Variants in RFX6 observed in about 807,000 individuals in gnomAD.
RFX6 encodes DNA-binding protein RFX6.
Under a neutral mutation model 110.8 loss-of-function variants are expected in RFX6, and 50 were observed. That is an observed-to-expected ratio of 0.45 (90% CI 0.36 to 0.57). The LOEUF (loss-of-function observed/expected upper bound fraction) is 0.57. RFX6 is among the 20% of genes least tolerant of loss of function. RFX6 has a pLI of 0.00. For missense variants in RFX6, 990 were observed against 1,127.0 expected, an observed-to-expected ratio of 0.88 and a Z score of 1.74; for synonymous variants, 383 against 411.2, an observed-to-expected ratio of 0.93 and a Z score of 0.83.
chr6:116,897,990 C>CA (rs1033530412), intron 6 of RFX6, among the ~76,000 whole-genome samples: 6 of 150,780 alleles, frequency 4.0e-5, no homozygotes, highest in South Asian at 2.1e-4. Flanking sequence ...AAGAGGTTAC[C>CA]AAAAAAAAGT....
At chr6:116,914,087 C>A (rs568027223) in intron 7 of RFX6, among the ~76,000 whole-genome samples, 9 of 152,206 alleles carry the variant, frequency 5.9e-5, no homozygotes, top group African/African-American at 2.2e-4. Context: ...TTCCTCTCCC[C>A]CTCCTCTTTC....
At chr6:116,923,047 G>A (rs200355595) in intron 13 of RFX6, 60 bp from the exon 14 acceptor site, 133 of 834,764 alleles carry the variant, frequency 1.6e-4, no homozygotes, top group Middle Eastern at 1.0e-3. Context: ...ATCTAACACA[G>A]GATGCATGTA....
intron 6 of RFX6, among the ~76,000 whole-genome samples, chr6:116,899,853 T>C (rs1482850411): frequency 6.6e-6 from 1 of 152,106 alleles, no homozygotes; most frequent in African/African-American, 2.4e-5. Context: ...ATCAAAAGCA[T>C]CATATGCAAA....
At chr6:116,907,319 C>A (rs1775227354) in intron 6 of RFX6, among the ~76,000 whole-genome samples, 1 of 152,016 alleles carries the variant, frequency 6.6e-6, no homozygotes. Flanking sequence ...CTGCAGTTTT[C>A]TTGCCTTGCA....
chr6:116,877,792 T>C lies in RFX6; in HGVS notation c.224-4T>C, dbSNP rs1409962590. ...TCTTTATCATCCCTTCAACTGGCAA[T>C]CAGAAATGCACTTAAACAATGGTAA... On this transcript the variant is annotated splice_region_variant and splice_polypyrimidine_tract_variant and intron_variant, in intron 1 of 18. Transcript: ENST00000332958. The C allele has an allele frequency of 5.6e-6, 9 of 1,603,310 alleles. No individual in the cohort carries two copies. Among genetic ancestry groups the C allele is most frequent in the Non-Finnish European group, 6.8e-6 (8 of 1,173,426 alleles).
intron 6 of RFX6, among the ~76,000 whole-genome samples, chr6:116,909,021 A>T (rs1018843385): frequency 3.3e-5 from 5 of 152,126 alleles, no homozygotes; most frequent in Non-Finnish European, 2.9e-5. Flanking sequence ...GTCAGAAAAA[A>T]ATCTAGTAAG....
chr6:116,879,781 A>G (rs1774547663), intron 2 of RFX6, among the ~76,000 whole-genome samples: 1 of 152,004 alleles, frequency 6.6e-6, no homozygotes, highest in Non-Finnish European at 1.5e-5. Flanking sequence ...AGAAAGTTGT[A>G]ACACAAATAT....
intron 6 of RFX6, among the ~76,000 whole-genome samples, chr6:116,903,097 C>T (rs558237146): frequency 6.6e-6 from 1 of 152,106 alleles, no homozygotes; most frequent in Middle Eastern, 3.4e-3. Flanking sequence ...ATTGTAATAG[C>T]AAATATATTA....
intron 4 of RFX6, among the ~76,000 whole-genome samples, chr6:116,884,366 T>C (rs1774654666): frequency 6.6e-6 from 1 of 152,114 alleles, no homozygotes; most frequent in South Asian, 2.1e-4. Flanking sequence ...TTTCTGTTGG[T>C]CGATATATAA....
chr6:116,886,479 C>G (rs1386562886), intron 4 of RFX6, among the ~76,000 whole-genome samples: 1 of 152,104 alleles, frequency 6.6e-6, no homozygotes, highest in Non-Finnish European at 1.5e-5. Flanking sequence ...TTACTGGTCC[C>G]TATATAAAAC....
intron 6 of RFX6, among the ~76,000 whole-genome samples, chr6:116,896,996 C>T (rs1774962463): frequency 1.3e-5 from 2 of 152,010 alleles, no homozygotes; most frequent in South Asian, 4.1e-4. Flanking sequence ...TTGGTCCTGC[C>T]CTTCCAGAGC....
chr6:116,912,937 G>T (rs1775385126), intron 7 of RFX6, among the ~76,000 whole-genome samples: 1 of 152,080 alleles, frequency 6.6e-6, no homozygotes, highest in Admixed American at 6.5e-5. Context: ...GAAAGCCAGG[G>T]ACTGACACTC....
chr6:116,918,162 AG>A, intron 10 of RFX6, 76 bp downstream of exon 10: 1 of 1,017,832 alleles, frequency 9.8e-7, no homozygotes. Flanking sequence ...AGAAAACATT[AG>A]GTAGTAATTT....
chr6:116,897,738 G>A (rs569747454), intron 6 of RFX6, among the ~76,000 whole-genome samples: 1 of 152,268 alleles, frequency 6.6e-6, no homozygotes, highest in East Asian at 1.9e-4. Context: ...CCCAAGGGAT[G>A]GAGAGAAGTA....
Position 116,927,171 on chromosome 6 carries a change from A to C in RFX6, c.2030A>C (p.His677Pro), listed in dbSNP as rs1275124303. Reference protein sequence around the residue: ...SVGPVLSAPSHCSTYPEPIYP... With the variant: ...SVGPVLSAPSPCSTYPEPIYP... ...GGCCCAGTACTGTCAGCTCCATCAC[A>C]CTGCTCCACATACCCAGAGCCCATT... is the stretch of plus-strand genomic sequence containing the variant. Residue 677 changes from histidine to proline, a missense_variant, in exon 17 of 19, where the codon CAC (histidine) becomes CCC (proline). His to Pro is a moderately conservative substitution (Grantham distance 77, BLOSUM62 -2). Transcript: ENST00000332958. The C allele has an allele frequency of 1.2e-6, 2 of 1,614,112 alleles. No individual in the cohort carries two copies. Among genetic ancestry groups the C allele is most frequent in the Admixed American group, 3.3e-5 (2 of 60,002 alleles).
At chr6:116,902,655 C>T (rs1302140258) in intron 6 of RFX6, among the ~76,000 whole-genome samples, 1 of 151,952 alleles carries the variant, frequency 6.6e-6, no homozygotes, top group Non-Finnish European at 1.5e-5. Flanking sequence ...GTGAAGTTGA[C>T]ATTATTTCTT....
chr6:116,927,685 C>G (rs1775776630), intron 17 of RFX6, 146 bp downstream of exon 17: 4 of 695,794 alleles, frequency 5.7e-6, no homozygotes, highest in Non-Finnish European at 9.8e-6. Context: ...GAGCTGATTT[C>G]TGTCACATAC....
Position 116,877,474 on chromosome 6 carries a change from G to C in RFX6, c.199G>C (p.Glu67Gln), listed in dbSNP as rs1331516200. ...QGGGEKGEDP[E>Q]LPGAVKSEMH... ...CGGCGGGGAGAAAGGCGAAGACCCGGAGCTGCCGGGGGCAGTGAAATCAGG... is the reference window on the plus strand; with the variant it reads ...CGGCGGGGAGAAAGGCGAAGACCCGCAGCTGCCGGGGGCAGTGAAATCAGG... Residue 67 changes from glutamate to glutamine, a missense_variant, in exon 1 of 19, where the codon GAG becomes CAG. Glu to Gln is a conservative substitution (Grantham distance 29, BLOSUM62 2). Around this residue, in one of 5 missense-constraint regions of RFX6, gnomAD observed 175 missense variants for 162.3 expected, o/e 1.08. Transcript: ENST00000332958. The C allele has an allele frequency of 2.4e-5, 38 of 1,562,244 alleles. No individual in the cohort carries two copies. The highest frequency in any genetic ancestry group is 3.0e-5 in the Non-Finnish European group (35 of 1,152,730).
Position 116,877,968 on chromosome 6 carries a change from A to G in RFX6, c.380+16A>G, listed in dbSNP as rs575576936. 14 of 1,612,796 alleles carry G rather than the reference A, an allele frequency of 8.7e-6. 1 individual carries two copies. In the South Asian group the frequency reaches 1.4e-4, roughly 16 times the overall value. On this transcript the variant is annotated intron_variant, in intron 2 of 18. Transcript: ENST00000332958. ...CGCTGCAGTGGTGAGACTCGCCCGC[A>G]GGGTACACTGAAGCACCTGTTGACG...
Sources: gnomAD v4.1 joint callset for allele counts (sites outside exome capture counted in the v4.1 genomes callset) on GRCh38, gnomAD v4.1.1 for gene constraint, gnomAD v4.1.1 regional missense constraint, MANE v1.5 for transcripts, NCBI Gene and HGNC (gene_info 2026-07-23, HGNC 2026-07-21) for gene names.